The following PLIN4 variants were observed in gnomAD, a reference collection of about 807,000 sequenced individuals.
PLIN4 encodes perilipin 4.
In PLIN4, 57 loss-of-function variants were observed where a neutral mutation model predicts 52.4. That is an observed-to-expected ratio of 1.09 (90% CI 0.88 to 1.36). The LOEUF (loss-of-function observed/expected upper bound fraction) is 1.36. Ranked by LOEUF, PLIN4 falls within the 40% of genes most tolerant of loss-of-function variation. The pLI is 0.00. For synonymous variants in PLIN4, 826 were observed against 785.4 expected, an observed-to-expected ratio of 1.05 and a Z score of -0.86; for missense variants, 1,757 against 1,770.3, an observed-to-expected ratio of 0.99 and a Z score of 0.13.
intron 6 of PLIN4, among the ~76,000 whole-genome samples, chr19:4,508,412 G>A (rs919304143): frequency 9.9e-5 from 15 of 152,232 alleles, no homozygotes; most frequent in African/African-American, 2.4e-4. Flanking sequence ...GATTACAGGC[G>A]CCTGCCACCA....
chr19:4,517,710 CG>C lies in PLIN4; in HGVS notation c.52-13del. The C allele has an allele frequency of 5.7e-6, 9 of 1,573,214 alleles. No individual in the cohort carries two copies. Among genetic ancestry groups the C allele is most frequent in the South Asian group, 1.2e-5 (1 of 86,052 alleles). ...AAGCTGCCCAGGGTCTGCATGGGGG[CG>C]GGGGGTGTGCAGGATGAGCAGGCCA... On this transcript the variant is annotated splice_polypyrimidine_tract_variant and intron_variant, in intron 2 of 7. Transcript: ENST00000301286.
At position 4,510,095 on chromosome 19, in the gene PLIN4, T is replaced by C. The variant is rs552188606; in HGVS notation, c.3514+351A>G. On this transcript the variant is annotated intron_variant, in intron 5 of 7. Transcript: ENST00000301286. Reference sequence around the variant, plus strand: ...AAAAAGTCAAGGGCCCAGCTGGGCGTGGTGGCTCACGCCTGCAATCTCAGC... The same window carrying C: ...AAAAAGTCAAGGGCCCAGCTGGGCGCGGTGGCTCACGCCTGCAATCTCAGC... Among the ~76,000 whole-genome samples the C allele has an allele frequency of 9.9e-5, 15 of 151,674 alleles. No homozygotes were observed. In the South Asian group the frequency reaches 1.7e-3, roughly 17 times the overall value.
chr19:4,517,956 T>TGGGGAAACTGAGGCTCAGAGAGGG (rs1976634892), intron 2 of PLIN4, among the ~76,000 whole-genome samples: 1 of 152,144 alleles, frequency 6.6e-6, no homozygotes, highest in Admixed American at 6.5e-5. Context: ...ACTGCACAGA[T>TGGGGAAACTGAGGCTCAGAGAGGG]GGGGAAACTG....
In PLIN4 at chr19:4,513,254, C is replaced by G; in HGVS notation, c.706G>C (p.Asp236His). The change falls in exon 5 of 8, where the codon GAT becomes CAT. Residue 236 changes from aspartate to histidine, a missense_variant. By Grantham distance (81) the Asp-to-His change is moderately conservative. Coordinates refer to ENST00000301286, the MANE Select transcript of PLIN4 (RefSeq NM_001367868.2). ...CCTGTGAGCCCAGTGGACACAGCAT[C>G]TTTGGTGCCGGTCAGCACAGCCTTG... ...TSKAVLTGTK[D>H]AVSTGLTGAV... The G allele has an allele frequency of 6.2e-7, 1 of 1,613,836 alleles. No individual in the cohort carries two copies. The highest frequency in any genetic ancestry group is 1.7e-5 in the Admixed American group (1 of 60,016).
intron 3 of PLIN4, among the ~76,000 whole-genome samples, chr19:4,517,074 C>G (rs943128277): frequency 6.6e-6 from 1 of 152,200 alleles, no homozygotes; most frequent in Non-Finnish European, 1.5e-5. Flanking sequence ...GCCTGGGGCT[C>G]TGGGCCCAGA....
intron 6 of PLIN4, among the ~76,000 whole-genome samples, chr19:4,506,053 T>C (rs1004390234): frequency 6.6e-6 from 1 of 152,124 alleles, no homozygotes; most frequent in Non-Finnish European, 1.5e-5. Context: ...AGCACTTGCC[T>C]GGGTTTACGT....
intron 5 of PLIN4, among the ~76,000 whole-genome samples, chr19:4,510,103 C>G (rs898349592): frequency 6.6e-6 from 1 of 151,972 alleles, no homozygotes; most frequent in African/African-American, 2.4e-5. Context: ...CGTGGTGGCT[C>G]ACGCCTGCAA....
At chr19:4,516,779 G>A (rs1342759648) in intron 3 of PLIN4, 101 bp from the exon 4 acceptor site, 6 of 1,200,550 alleles carry the variant, frequency 5.0e-6, no homozygotes, top group Non-Finnish European at 6.7e-6. Flanking sequence ...AAAAGGTCAG[G>A]AATGTTTCAG....
intron 4 of PLIN4, among the ~76,000 whole-genome samples, chr19:4,514,017 G>A (rs138682337): frequency 6.6e-6 from 1 of 152,224 alleles, no homozygotes. Context: ...TCCTAGGCTT[G>A]GACTCAGCCA....
rs751981457 is a variant in PLIN4, at chr19:4,510,833, C to G, written c.3127G>C (p.Gly1043Arg). Residue 1043 changes from glycine to arginine, a missense_variant, in exon 5 of 8, where the codon GGG becomes CGG. This residue lies in a region of PLIN4 where 712 missense variants were observed against 637.1 expected (regional missense o/e 1.12). Transcript: ENST00000301286. ...GLMGSGNVAT[G>R]ATHTGLSTFQ... is the part of the protein sequence containing the mutation. ...GTGCTGAGGCCAGTGTGGGTGGCCC[C>G]TGTCGCCACGTTCCCTGACCCCATG... 1.3e-5 allele frequency: 21 copies of G among 1,611,944 alleles called. No homozygotes were observed. Among genetic ancestry groups the G allele is most frequent in the African/African-American group, 2.7e-5 (2 of 74,854 alleles).
intron 6 of PLIN4, among the ~76,000 whole-genome samples, chr19:4,505,415 G>A (rs1368151293): frequency 6.6e-6 from 1 of 152,112 alleles, no homozygotes; most frequent in African/African-American, 2.4e-5. Context: ...CCTGCTTCCC[G>A]GGCCCTTCAC....
Position 4,511,359 on chromosome 19 carries a change from A to C in PLIN4, c.2601T>G (p.Ser867Arg), listed in dbSNP as rs1976323849. Residue 867 changes from serine (S) to arginine (R), a missense_variant, in exon 5 of 8, where the codon AGT becomes AGG. Physicochemically the swap from Ser to Arg is moderately radical, Grantham distance 110. Transcript: ENST00000301286. ...CCACTTTCGCAGCACCGGTCACCCC[A>C]CTGCCAAGGGTGTTCTTTGTACCTG... ...IATGTKNTLG[S>R]GVTGAAKVAK... The C allele has an allele frequency of 6.3e-7, 1 of 1,581,420 alleles. No homozygotes were observed. Among genetic ancestry groups the C allele is most frequent in the South Asian group, 1.1e-5 (1 of 89,452 alleles).
intron 6 of PLIN4, among the ~76,000 whole-genome samples, chr19:4,506,470 C>T (rs1019630061): frequency 6.6e-5 from 10 of 152,224 alleles, no homozygotes; most frequent in African/African-American, 2.4e-4. Context: ...TTCCAAGCAT[C>T]ATCCAACGCG....
chr19:4,507,352 G>A (rs758462110), intron 6 of PLIN4, among the ~76,000 whole-genome samples: 15 of 152,202 alleles, frequency 9.9e-5, no homozygotes, highest in Non-Finnish European at 1.8e-4. Context: ...CAAGAGGATC[G>A]CGGGAGCGCA....
In PLIN4 at chr19:4,504,774, G is replaced by C. The variant is rs775264829; in HGVS notation, c.3801C>G (p.Ala1267=). 6.3e-7 allele frequency: 1 copy of C among 1,599,482 alleles called. No homozygotes were observed. ...EDAAVQEERD[A]GVLSRVCGLL... ...GGCCGCAGACCCTGGACAGAACCCC[G>C]GCATCCCGCTCCTGTGGGAGGAAGG... Residue 1267 remains alanine (A), a synonymous_variant, in exon 8 of 8, where the codon GCC becomes GCG. Coordinates refer to ENST00000301286, the MANE Select transcript of PLIN4 (RefSeq NM_001367868.2).
intron 4 of PLIN4, among the ~76,000 whole-genome samples, chr19:4,513,943 A>G (rs1976517272): frequency 6.6e-6 from 1 of 152,186 alleles, no homozygotes; most frequent in Non-Finnish European, 1.5e-5. Context: ...TCACAGCGCC[A>G]GCCTCTTCCA....
rs1976018658 is a variant in PLIN4, at chr19:4,504,367, G to T, written c.*92C>A. On this transcript the variant is annotated 3_prime_UTR_variant, in exon 8 of 8. Transcript: ENST00000301286. ...CAAAGGTCTAGGGCTTTAGGGAACC[G>T]ATCCAGGTTTGGGGGCGGGGAGAAA... is the stretch of plus-strand genomic sequence containing the variant. 6.3e-6 allele frequency: 8 copies of T among 1,276,600 alleles called. No homozygotes were observed. The highest frequency in any genetic ancestry group is 8.4e-6 in the Non-Finnish European group (8 of 956,124). The allele number at this position is 1,276,600 out of a possible 1,614,324, so 79.1% of individuals were successfully genotyped here. A position where few individuals can be genotyped will look rare whatever the true frequency, so the allele number is the denominator to read the frequency against.
At chr19:4,515,554 C>A (rs1976562894) in intron 4 of PLIN4, among the ~76,000 whole-genome samples, 1 of 152,144 alleles carries the variant, frequency 6.6e-6, no homozygotes, top group African/African-American at 2.4e-5. Flanking sequence ...CAGGTGTGAA[C>A]CACCGTGCCC....
chr19:4,513,437 C>T lies in PLIN4; in HGVS notation c.523G>A (p.Gly175Arg), dbSNP rs1278342423. 1 of 1,613,526 alleles carries T rather than the reference C, an allele frequency of 6.2e-7. No homozygotes were observed. The highest frequency in any genetic ancestry group is 8.5e-7 in the Non-Finnish European group (1 of 1,179,896). The change falls in exon 5 of 8, where the codon GGG becomes AGG. Residue 175 changes from glycine (G) to arginine (R), a missense_variant. By Grantham distance (125) the Gly-to-Arg change is moderately radical. Coordinates refer to ENST00000301286, the MANE Select transcript of PLIN4 (RefSeq NM_001367868.2). ...GCCACATTCACTGCCCCCGTGAGCCCAGTGGACACCGTGTCCTTGGTGCCG... is the reference window on the plus strand; with the variant it reads ...GCCACATTCACTGCCCCCGTGAGCCTAGTGGACACCGTGTCCTTGGTGCCG... The part of the protein sequence containing the change: ...LTGTKDTVST[G>R]LTGAVNVAKG...
Sources: allele counts gnomAD v4.1 joint callset (sites outside exome capture counted in the v4.1 genomes callset), GRCh38; gene constraint gnomAD v4.1.1; regional missense constraint gnomAD v4.1.1; transcripts MANE v1.5; gene names NCBI Gene and HGNC (gene_info 2026-07-23, HGNC 2026-07-21).